The following CCDC171 variants were observed in gnomAD, a reference collection of about 807,000 sequenced individuals.
CCDC171 encodes the protein coiled-coil domain-containing protein 171.
CCDC171 carries 177 observed loss-of-function variants against 168.2 expected under a neutral mutation model. The ratio of observed to expected loss-of-function variants is 1.05; its 90% CI spans 0.93 to 1.19. The LOEUF (loss-of-function observed/expected upper bound fraction) is 1.19, where lower values mean the gene tolerates loss of function less well. Among genes scored for constraint, CCDC171 ranks in the 50% most tolerant of loss-of-function variants. The pLI, the probability that CCDC171 is intolerant of heterozygous loss-of-function variation, is 0.00. For synonymous variants in CCDC171, 687 were observed against 540.8 expected (o/e 1.27, Z -3.75); for missense variants, 1,991 against 1,539.0 (o/e 1.29, Z -4.91).
chr9:15,777,669 A>T lies in CCDC171; in HGVS notation c.2741A>T (p.Asp914Val). The change falls in exon 19 of 26, where the codon GAT becomes GTT. Residue 914 changes from aspartate to valine, a missense_variant. Asp to Val is a radical substitution (Grantham distance 152). Coordinates refer to ENST00000380701, the MANE Select transcript of CCDC171 (RefSeq NM_173550.4). ...AAGAATTCTTTTGCAAAACTCATGG[A>T]TAAAATTAGTCTGGTAATGGAATGT... is the stretch of plus-strand genomic sequence containing the variant. Reference protein sequence around the residue: ...AAKNSFAKLMDKISLVMECIP... With the variant: ...AAKNSFAKLMVKISLVMECIP... The T allele has an allele frequency of 6.2e-7, 1 of 1,614,118 alleles. No individual in the cohort carries two copies. Among genetic ancestry groups the T allele is most frequent in the African/African-American group, 1.3e-5 (1 of 75,060 alleles).
chr9:15,991,567 A>C (rs988716352), intron 3 of CCDC171, among the ~76,000 whole-genome samples: 1 of 152,176 alleles, frequency 6.6e-6, no homozygotes, highest in Admixed American at 6.5e-5. Flanking sequence ...GAAGGCAAGA[A>C]ATAACTAAGA....
chr9:15,872,666 T>C (rs1050428603), intron 23 of CCDC171, among the ~76,000 whole-genome samples: 1 of 152,054 alleles, frequency 6.6e-6, no homozygotes, highest in Non-Finnish European at 1.5e-5. Flanking sequence ...AAATTTTCTT[T>C]GATTCTGGGT....
intron 7 of CCDC171, among the ~76,000 whole-genome samples, chr9:15,652,662 A>T (rs1369941992): frequency 6.6e-6 from 1 of 151,962 alleles, no homozygotes; most frequent in East Asian, 1.9e-4. Context: ...GCTGGTCTTG[A>T]ACTTCTGTGC....
chr9:15,736,112 A>T (rs560936110), intron 16 of CCDC171, among the ~76,000 whole-genome samples: 1 of 152,128 alleles, frequency 6.6e-6, no homozygotes, highest in Admixed American at 6.6e-5. Context: ...AGGAAGTTCT[A>T]GGGACAGGAT....
intron 3 of CCDC171, among the ~76,000 whole-genome samples, chr9:16,011,246 C>T (rs1423113995): frequency 1.3e-5 from 2 of 152,148 alleles, no homozygotes; most frequent in Non-Finnish European, 2.9e-5. Context: ...AGACACTGGG[C>T]CCCTGGATGG....
At chr9:15,704,660 A>G (rs1206446545) in intron 11 of CCDC171, among the ~76,000 whole-genome samples, 1 of 152,212 alleles carries the variant, frequency 6.6e-6, no homozygotes, top group African/African-American at 2.4e-5. Flanking sequence ...CAGATTTTCA[A>G]TTCTCTGTCT....
At chr9:15,903,699 G>A (rs1205520052) in intron 24 of CCDC171, among the ~76,000 whole-genome samples, 2 of 152,234 alleles carry the variant, frequency 1.3e-5, no homozygotes, top group Non-Finnish European at 2.9e-5. Flanking sequence ...CAAGTTGAGA[G>A]AAGAAGGCTT....
chr9:16,002,296 C>T (rs1433898134), intron 3 of CCDC171, among the ~76,000 whole-genome samples: 1 of 151,676 alleles, frequency 6.6e-6, no homozygotes, highest in Non-Finnish European at 1.5e-5. Flanking sequence ...TGTTATTGCT[C>T]CTGGAGACCC....
At chr9:16,100,944 C>T in the CCDC171 span, among the ~76,000 whole-genome samples, 2 of 152,106 alleles carry the variant, frequency 1.3e-5, no homozygotes, top group Non-Finnish European at 1.5e-5. Context: ...TCTAGGCAAG[C>T]GAGCCTCTGT....
intron 23 of CCDC171, among the ~76,000 whole-genome samples, chr9:15,863,595 T>G (rs1344788534): frequency 6.6e-6 from 1 of 152,086 alleles, no homozygotes; most frequent in Non-Finnish European, 1.5e-5. Context: ...TCATTTACAT[T>G]TTCTATTTTG....
rs758930310 is a variant in CCDC171, at chr9:15,721,843, T to C, written c.1393T>C (p.Tyr465His). 58 of 1,558,052 alleles carry C rather than the reference T, an allele frequency of 3.7e-5. No homozygotes were observed. Among genetic ancestry groups the C allele is most frequent in the Non-Finnish European group, 4.8e-5 (55 of 1,150,278 alleles). Residue 465 changes from tyrosine (Y) to histidine (H), a missense_variant, in exon 12 of 26, where the codon TAC (tyrosine) becomes CAC (histidine). Coordinates refer to ENST00000380701, the MANE Select transcript of CCDC171 (RefSeq NM_173550.4). The stretch of plus-strand genomic sequence containing the variant: ...GAGATTGAGGCGTACCTTGACAGAT[T>C]ACCAGAACAAGCTGGAAGATGCATC... ...LERLRRTLTD[Y>H]QNKLEDASNE... is the part of the protein sequence containing the mutation.
At chr9:16,035,496 T>C (rs1311676740) in exon 7 of CCDC171, 2 of 152,202 alleles carry the variant, frequency 1.3e-5, no homozygotes. Flanking sequence ...AGCGCTCTTA[T>C]TTATGAACTG....
At chr9:15,958,105 C>G (rs1213401732) in intron 25 of CCDC171, among the ~76,000 whole-genome samples, 4 of 151,094 alleles carry the variant, frequency 2.6e-5, no homozygotes, top group African/African-American at 7.4e-5. Context: ...AGTCCATTAA[C>G]TCACTCATCC....
chr9:16,039,748 C>T (rs1393376574), upstream of CCDC171, among the ~76,000 whole-genome samples: 1 of 152,168 alleles, frequency 6.6e-6, no homozygotes, highest in Non-Finnish European at 1.5e-5. Context: ...ACTCATGTCC[C>T]TCTTCTTGGA....
the CCDC171 span, among the ~76,000 whole-genome samples, chr9:16,073,658 C>T: frequency 1.9e-4 from 29 of 152,174 alleles, no homozygotes; most frequent in Non-Finnish European, 4.0e-4. Flanking sequence ...AACCCATGTG[C>T]CTAGTGGCAC....
chr9:16,068,323 G>C, the CCDC171 span, among the ~76,000 whole-genome samples: 1 of 151,920 alleles, frequency 6.6e-6, no homozygotes, highest in African/African-American at 2.4e-5. Flanking sequence ...CAAACAAATG[G>C]AAGAACATTC....
At position 15,973,112 on chromosome 9, in the gene CCDC171, T is replaced by G. The variant is rs1178228373; in HGVS notation, c.*1276T>G. ...GGTTAAATCCTTGCAGTTTGCATCA[T>G]GGTAAGTGAAGAACAAAAGAATATT... On this transcript the variant is annotated 3_prime_UTR_variant, in exon 26 of 26. Coordinates refer to ENST00000380701, the MANE Select transcript of CCDC171 (RefSeq NM_173550.4). 6.6e-6 allele frequency: 1 copy of G among 152,244 alleles called. No homozygotes were observed. Among genetic ancestry groups the G allele is most frequent in the Non-Finnish European group, 1.5e-5 (1 of 68,036 alleles). 9.4% of individuals were successfully genotyped at this position (152,244 alleles called of 1,614,324 possible).
chr9:15,664,004 A>C (rs1417963367), intron 8 of CCDC171, among the ~76,000 whole-genome samples: 1 of 152,132 alleles, frequency 6.6e-6, no homozygotes, highest in Non-Finnish European at 1.5e-5. Context: ...AAGCGAAACA[A>C]CTCAGAAACA....
chr9:15,594,407 A>T (rs976596040), intron 6 of CCDC171, among the ~76,000 whole-genome samples: 1 of 152,102 alleles, frequency 6.6e-6, no homozygotes. Flanking sequence ...TTTAAGAAGG[A>T]TGTATATATA....
Sources: gnomAD v4.1 joint callset for allele counts (sites outside exome capture counted in the v4.1 genomes callset) on GRCh38, gnomAD v4.1.1 for gene constraint, MANE v1.5 for transcripts, NCBI Gene and HGNC (gene_info 2026-07-23, HGNC 2026-07-21) for gene names.